ZC3H18: variants seen among roughly 807,000 people sequenced by gnomAD.
The protein encoded by ZC3H18 is zinc finger CCCH domain-containing protein 18.
ZC3H18 carries 8 observed loss-of-function variants against 106.1 expected under a neutral mutation model. That is an observed-to-expected ratio of 0.08 (90% CI 0.04 to 0.14). The LOEUF (loss-of-function observed/expected upper bound fraction) is 0.14. ZC3H18 is among the 10% of genes least tolerant of loss of function. The pLI is 1.00. For missense variants in ZC3H18, 1,318 were observed against 1,278.4 expected, an observed-to-expected ratio of 1.03 and a Z score of -0.47; for synonymous variants, 635 against 522.1, an observed-to-expected ratio of 1.22 and a Z score of -2.95.
intron 3 of ZC3H18, among the ~76,000 whole-genome samples, chr16:88,592,568 G>T (rs780721586): frequency 1.3e-5 from 2 of 152,046 alleles, no homozygotes; most frequent in Non-Finnish European, 2.9e-5. Flanking sequence ...TCCACCTCCC[G>T]GGTTCAAACG....
chr16:88,584,403 C>G (rs1276063983), intron 2 of ZC3H18, among the ~76,000 whole-genome samples: 1 of 147,122 alleles, frequency 6.8e-6, no homozygotes, highest in Non-Finnish European at 1.5e-5. Flanking sequence ...GCCTGGGCGA[C>G]AGAGCAGGAC....
At chr16:88,613,538 T>C (rs1414748068) in intron 8 of ZC3H18, among the ~76,000 whole-genome samples, 1 of 152,224 alleles carries the variant, frequency 6.6e-6, no homozygotes, top group East Asian at 1.9e-4. Context: ...GACAGCCGTC[T>C]TGGTGGGTGT....
intron 3 of ZC3H18, among the ~76,000 whole-genome samples, chr16:88,591,986 G>T (rs1915783035): frequency 6.6e-6 from 1 of 152,234 alleles, no homozygotes; most frequent in African/African-American, 2.4e-5. Context: ...ACCGCTGGCA[G>T]CGGAGTTGCT....
At chr16:88,621,975 C>A (rs1443149370) in intron 8 of ZC3H18, among the ~76,000 whole-genome samples, 1 of 151,064 alleles carries the variant, frequency 6.6e-6, no homozygotes, top group Non-Finnish European at 1.5e-5. Flanking sequence ...CTGGGTGTTC[C>A]CCTGAGTAAC....
chr16:88,580,208 G>A (rs1193395679), intron 2 of ZC3H18, among the ~76,000 whole-genome samples: 58 of 50,138 alleles, frequency 1.2e-3, no homozygotes, highest in African/African-American at 2.9e-3. Context: ...GTGTGTGTGT[G>A]TATATGTATA....
At chr16:88,571,552 C>A in intron 1 of ZC3H18, 1 of 904,554 alleles carries the variant, frequency 1.1e-6, no homozygotes, top group Non-Finnish European at 1.3e-6. Flanking sequence ...CAGTATGGAG[C>A]CCAGCCAGCC....
intron 3 of ZC3H18, among the ~76,000 whole-genome samples, chr16:88,592,780 A>AT (rs1915828122): frequency 6.6e-6 from 1 of 152,246 alleles, no homozygotes. Context: ...TGAGCCAGGC[A>AT]TTCACCATGC....
In ZC3H18 at chr16:88,631,201, G is replaced by A; in HGVS notation, c.2764G>A (p.Ala922Thr). ...PGAASTKSGK[A>T]STLSRREELL... ...CGCCGCCAGCACCAAATCAGGGAAG[G>A]CCAGCACGCTGTCTCGGCGGGAGGA... Residue 922 changes from alanine (A) to threonine (T), a missense_variant, in exon 18 of 18, where the codon GCC becomes ACC. By Grantham distance (58) the Ala-to-Thr change is moderately conservative (BLOSUM62 0). Coordinates refer to ENST00000301011, the MANE Select transcript of ZC3H18 (RefSeq NM_144604.4). 1 of 1,613,856 alleles carries A rather than the reference G, an allele frequency of 6.2e-7. No individual in the cohort carries two copies. Among genetic ancestry groups the A allele is most frequent in the Non-Finnish European group, 8.5e-7 (1 of 1,180,044 alleles).
Position 88,577,545 on chromosome 16 carries a change from C to G in ZC3H18, c.422C>G (p.Ala141Gly). Residue 141 changes from alanine (A) to glycine (G), a missense_variant, in exon 2 of 18, where the codon GCC becomes GGC. This residue lies in a region of ZC3H18 where 346 missense variants were observed against 269.0 expected (regional missense o/e 1.29). Coordinates refer to ENST00000301011, the MANE Select transcript of ZC3H18 (RefSeq NM_144604.4). ...GAGGTTCCTGAGGAGCCAGCTCCCG[C>G]CGTCCAGGAGGACGAGGCTGAGAAA... ...DEEVPEEPAP[A>G]VQEDEAEKAG... 1 of 1,613,454 alleles carries G rather than the reference C, an allele frequency of 6.2e-7. No homozygotes were observed. Among genetic ancestry groups the G allele is most frequent in the Non-Finnish European group, 8.5e-7 (1 of 1,179,950 alleles).
chr16:88,571,896 C>T (rs758900242), intron 1 of ZC3H18, among the ~76,000 whole-genome samples: 3 of 152,196 alleles, frequency 2.0e-5, no homozygotes, highest in Non-Finnish European at 4.4e-5. Context: ...CTTAGGCATT[C>T]AAATAGGTAC....
chr16:88,579,246 G>A (rs1309394105), intron 2 of ZC3H18, among the ~76,000 whole-genome samples: 2 of 152,198 alleles, frequency 1.3e-5, no homozygotes, highest in African/African-American at 4.8e-5. Flanking sequence ...AGGGCTGGCA[G>A]AGGGAAAGGA....
Position 88,573,880 on chromosome 16 carries a change from T to G in ZC3H18, c.-14-3230T>G, listed in dbSNP as rs116005782. Among the ~76,000 whole-genome samples the G allele has an allele frequency of 7.6e-3, 1,147 of 151,270 alleles. 20 individuals are homozygous for G. The highest frequency in any genetic ancestry group is 0.027 in the African/African-American group (1,104 of 41,392). ...CTATGTTATTGCTAACCATTTAGGTTTTTTTTTTTGAGACGGAGTTTTGCT... is the reference window on the plus strand; with the variant it reads ...CTATGTTATTGCTAACCATTTAGGTGTTTTTTTTTGAGACGGAGTTTTGCT... On this transcript the variant is annotated intron_variant, in intron 1 of 17. Transcript: ENST00000301011.
intron 5 of ZC3H18, among the ~76,000 whole-genome samples, chr16:88,599,460 T>C (rs1339177185): frequency 6.6e-6 from 1 of 152,130 alleles, no homozygotes; most frequent in Non-Finnish European, 1.5e-5. Flanking sequence ...TGTCACTTCC[T>C]TCCCTCTGAG....
intron 6 of ZC3H18, among the ~76,000 whole-genome samples, chr16:88,605,412 A>G (rs1904963859): frequency 6.6e-6 from 1 of 152,238 alleles, no homozygotes; most frequent in Non-Finnish European, 1.5e-5. Flanking sequence ...CAGGTCGACC[A>G]TGCTGGGTTG....
intron 8 of ZC3H18, among the ~76,000 whole-genome samples, chr16:88,614,458 C>T (rs778070359): frequency 4.6e-4 from 70 of 152,234 alleles, no homozygotes; most frequent in Non-Finnish European, 8.2e-4. Flanking sequence ...GGCAGGACTT[C>T]GCAGGCCTTT....
chr16:88,575,706 C>A (rs1479588984), intron 1 of ZC3H18, among the ~76,000 whole-genome samples: 2 of 151,928 alleles, frequency 1.3e-5, no homozygotes, highest in Non-Finnish European at 2.9e-5. Context: ...GTGACCCCGT[C>A]TTTTTTTGTT....
chr16:88,601,130 C>T (rs1164636868), intron 6 of ZC3H18, among the ~76,000 whole-genome samples: 1 of 152,226 alleles, frequency 6.6e-6, no homozygotes, highest in Non-Finnish European at 1.5e-5. Context: ...GGGAGGAAGC[C>T]CCAGTGGCCC....
chr16:88,611,185 C>T (rs889044607), intron 7 of ZC3H18, 83 bp from the exon 8 acceptor site: 8 of 698,028 alleles, frequency 1.1e-5, no homozygotes, highest in African/African-American at 1.1e-4. Flanking sequence ...AGACAGATCG[C>T]GTGGTGTTGG....
intron 2 of ZC3H18, among the ~76,000 whole-genome samples, chr16:88,583,689 G>A (rs575181709): frequency 3.9e-5 from 6 of 152,300 alleles, no homozygotes; most frequent in Admixed American, 3.3e-4. Flanking sequence ...GTGTGCCAGC[G>A]TGGAGACCCG....
Sources: gnomAD v4.1 joint callset for allele counts (sites outside exome capture counted in the v4.1 genomes callset) on GRCh38, gnomAD v4.1.1 for gene constraint, gnomAD v4.1.1 regional missense constraint, MANE v1.5 for transcripts, NCBI Gene and HGNC (gene_info 2026-07-23, HGNC 2026-07-21) for gene names.